The following WDR87 variants were observed in gnomAD, a reference collection of about 807,000 sequenced individuals.
The protein encoded by WDR87 is WD repeat domain 87.
Under a neutral mutation model 83.3 loss-of-function variants are expected in WDR87, and 56 were observed. The observed-to-expected ratio is 0.67, with a 90% CI of 0.54 to 0.84. WDR87 has a LOEUF of 0.84. Among genes scored for constraint, WDR87 ranks in the 40% least tolerant of loss-of-function variants. WDR87 has a pLI of 0.00. For missense variants in WDR87, 2,939 were observed against 3,431.9 expected (o/e 0.86, Z 3.59); for synonymous variants, 1,173 against 1,250.6 (o/e 0.94, Z 1.31).
At position 37,892,881 on chromosome 19, in the gene WDR87, ACACAG is replaced by A; in HGVS notation, c.2817_2821del (p.Cys940TrpfsTer19). 6.4e-7 allele frequency: 1 copy of A among 1,552,020 alleles called. No homozygotes were observed. The highest frequency in any genetic ancestry group is 8.7e-7 in the Non-Finnish European group (1 of 1,147,062). On this transcript the variant is annotated frameshift_variant, in exon 4 of 6. Transcript: ENST00000447313. LOFTEE classifies it high-confidence loss of function. The stretch of plus-strand genomic sequence containing the variant: ...GGCAAAGATTTGCCCTAGTGCACCA[ACACAG>A]CACTGGTACTTCAGCAAGGAAGCAT...
At position 37,887,863 on chromosome 19, in the gene WDR87, C is replaced by T. The variant is rs1568449258; in HGVS notation, c.5808G>A (p.Gln1936=). Reference sequence around the variant, plus strand: ...TCTTCTTGATCACAGTCTCCTTTTCCTGTGTCAGCTTCTCCTCTACCTGAG... The same window carrying T: ...TCTTCTTGATCACAGTCTCCTTTTCTTGTGTCAGCTTCTCCTCTACCTGAG... ...ILAQVEEKLT[Q]EKETVIKKKE... The change falls in exon 6 of 6, where the codon CAG becomes CAA. Residue 1936 remains glutamine (Q), a synonymous_variant. Transcript: ENST00000447313. The T allele has an allele frequency of 1.9e-6, 3 of 1,551,316 alleles. No homozygotes were observed. The highest frequency in any genetic ancestry group is 3.9e-5 in the Admixed American group (2 of 50,918).
At chr19:37,901,756 C>G (rs1450632443) in intron 1 of WDR87, among the ~76,000 whole-genome samples, 2 of 151,798 alleles carry the variant, frequency 1.3e-5, no homozygotes, top group African/African-American at 4.8e-5. Context: ...CTCTGTTGCC[C>G]GGGCTGGAGT....
At chr19:37,905,876 CT>C (rs1047247949) in intron 1 of WDR87, among the ~76,000 whole-genome samples, 1 of 152,116 alleles carries the variant, frequency 6.6e-6, no homozygotes, top group African/African-American at 2.4e-5. Flanking sequence ...TGGTGGTGGC[CT>C]GATATCCCTA....
In WDR87 at chr19:37,894,361, G is replaced by C. The variant is rs1280389826; in HGVS notation, c.1342C>G (p.Leu448Val). ...TGAGAATTTGGTGAGGTGCCTAAGAGATACTTGGCTGGGCAAGGGCAGCGG... is the reference window on the plus strand; with the variant it reads ...TGAGAATTTGGTGAGGTGCCTAAGACATACTTGGCTGGGCAAGGGCAGCGG... Reference protein sequence around the residue: ...TTRCPCPAKYLLGTSPNSQDF... With the variant: ...TTRCPCPAKYVLGTSPNSQDF... Residue 448 changes from leucine to valine, a missense_variant, in exon 4 of 6, where the codon CTC (leucine) becomes GTC (valine). Physicochemically the swap from Leu to Val is conservative, Grantham distance 32. Coordinates refer to ENST00000447313, the MANE Select transcript of WDR87 (RefSeq NM_001291088.2). The C allele has an allele frequency of 6.4e-7, 1 of 1,551,784 alleles. No individual in the cohort carries two copies. Among genetic ancestry groups the C allele is most frequent in the South Asian group, 1.2e-5 (1 of 84,058 alleles).
intron 3 of WDR87, among the ~76,000 whole-genome samples, 166 bp from the exon 4 acceptor site, chr19:37,895,622 G>T (rs534384034): frequency 4.1e-4 from 62 of 152,064 alleles, no homozygotes; most frequent in African/African-American, 1.4e-3. Flanking sequence ...ACAAAAATTA[G>T]CTGGGTGTGG....
chr19:37,895,660 G>A (rs989582569), intron 3 of WDR87, among the ~76,000 whole-genome samples: 17 of 151,044 alleles, frequency 1.1e-4, no homozygotes, highest in Admixed American at 2.6e-4. Flanking sequence ...CCAGCTACTC[G>A]AGAGGCTGAG....
In WDR87 at chr19:37,891,621, C is replaced by T. The variant is rs908746993; in HGVS notation, c.3325G>A (p.Glu1109Lys). The change falls in exon 5 of 6, where the codon GAA (glutamate) becomes AAA (lysine). Residue 1109 changes from glutamate (E) to lysine (K), a missense_variant. By Grantham distance (56) the Glu-to-Lys change is moderately conservative. This residue lies in a region of WDR87 where 2,160 missense variants were observed against 2,533.1 expected (regional missense o/e 0.85). Transcript: ENST00000447313. ...KSSLKPPTVS[E>K]ESEVAIKPSK... ...GGCTTGATGGCCACTTCAGATTCTTCAGAAACTGTAGGAGGTTTCAGGGAG... is the reference window on the plus strand; with the variant it reads ...GGCTTGATGGCCACTTCAGATTCTTTAGAAACTGTAGGAGGTTTCAGGGAG... 1 of 1,551,966 alleles carries T rather than the reference C, an allele frequency of 6.4e-7. No homozygotes were observed. Among genetic ancestry groups the T allele is most frequent in the South Asian group, 1.2e-5 (1 of 84,058 alleles).
At chr19:37,902,584 G>A (rs1487411349) in intron 1 of WDR87, among the ~76,000 whole-genome samples, 1 of 152,210 alleles carries the variant, frequency 6.6e-6, no homozygotes, top group Non-Finnish European at 1.5e-5. Flanking sequence ...CCAATTTAGC[G>A]TGAAGGGTAT....
At chr19:37,903,920 T>A (rs759436573) in intron 1 of WDR87, among the ~76,000 whole-genome samples, 2 of 151,814 alleles carry the variant, frequency 1.3e-5, no homozygotes, top group Non-Finnish European at 2.9e-5. Flanking sequence ...TTGTTTTGTT[T>A]TGTTTTGAGT....
At position 37,893,378 on chromosome 19, in the gene WDR87, C is replaced by G; in HGVS notation, c.2325G>C (p.Trp775Cys). ...MHYSLQDMED[W>C]MQVSKRYQCH... ...ATTGGTAACGTTTGCTCACCTGCAT[C>G]CAATCTTCCATGTCCTGCAAAGAAT... Residue 775 changes from tryptophan to cysteine, a missense_variant, in exon 4 of 6, where the codon TGG becomes TGC. Physicochemically the swap from Trp to Cys is radical, Grantham distance 215. Transcript: ENST00000447313. 1 of 1,552,118 alleles carries G rather than the reference C, an allele frequency of 6.4e-7. No individual in the cohort carries two copies. The highest frequency in any genetic ancestry group is 8.7e-7 in the Non-Finnish European group (1 of 1,147,096).
chr19:37,898,766 C>T (rs1311053305), intron 1 of WDR87, among the ~76,000 whole-genome samples: 6 of 152,178 alleles, frequency 3.9e-5, no homozygotes, highest in Non-Finnish European at 8.8e-5. Flanking sequence ...GCCTAGTTCT[C>T]AGACAGGTGA....
Position 37,895,209 on chromosome 19 carries a change from AG to A in WDR87, c.493del (p.Leu165CysfsTer9). 1 of 1,551,736 alleles carries A rather than the reference AG, an allele frequency of 6.4e-7. No homozygotes were observed. The highest frequency in any genetic ancestry group is 8.7e-7 in the Non-Finnish European group (1 of 1,147,002). ...LCYDPEMKML[L>X]SGILGAVVTW... ...CACCACTGCCCCCAGGATGCCAGAC[AG>A]AAGCATCTTCATTTCCGGGTCATAG... On this transcript the variant is annotated frameshift_variant, in exon 4 of 6. Coordinates refer to ENST00000447313, the MANE Select transcript of WDR87 (RefSeq NM_001291088.2). LOFTEE classifies it high-confidence loss of function.
At chr19:37,906,123 C>T (rs186981528) in intron 1 of WDR87, among the ~76,000 whole-genome samples, 79 of 152,262 alleles carry the variant, frequency 5.2e-4, no homozygotes, top group African/African-American at 1.8e-3. Flanking sequence ...CACCAGAGGA[C>T]CTTGCAATTC....
Position 37,888,607 on chromosome 19 carries a change from C to T in WDR87, c.5064G>A (p.Glu1688=), listed in dbSNP as rs1017831057. The T allele has an allele frequency of 6.4e-6, 10 of 1,551,880 alleles. No individual in the cohort carries two copies. Among genetic ancestry groups the T allele is most frequent in the East Asian group, 2.4e-5 (1 of 40,932 alleles). ...QKEETLAQRG[E]KLSQEAEKLA... is the part of the protein sequence containing the mutation. Reference sequence around the variant, plus strand: ...ATTTCTCCGCCTCCTGGCTTAGCTTCTCCCCTCTTTGGGCCAGTGTTTCCT... The same window carrying T: ...ATTTCTCCGCCTCCTGGCTTAGCTTTTCCCCTCTTTGGGCCAGTGTTTCCT... The change falls in exon 6 of 6, where the codon GAG becomes GAA. Residue 1688 remains glutamate (E), a synonymous_variant. Coordinates refer to ENST00000447313, the MANE Select transcript of WDR87 (RefSeq NM_001291088.2).
rs1168633760 is a variant in WDR87, at chr19:37,894,549, T to A, written c.1154A>T (p.Glu385Val). ...NNWFRILCTT[E>V]DGLLRFVSPV... Reference sequence around the variant, plus strand: ...GGACACAAAGCGCAACAAGCCATCCTCAGTGGTACACAGGATCCGGAACCA... The same window carrying A: ...GGACACAAAGCGCAACAAGCCATCCACAGTGGTACACAGGATCCGGAACCA... Residue 385 changes from glutamate (E) to valine (V), a missense_variant, in exon 4 of 6, where the codon GAG (glutamate) becomes GTG (valine). This residue lies in a region of WDR87 where 553 missense variants were observed against 577.9 expected (regional missense o/e 0.96). Coordinates refer to ENST00000447313, the MANE Select transcript of WDR87 (RefSeq NM_001291088.2). 1 of 1,551,670 alleles carries A rather than the reference T, an allele frequency of 6.4e-7. No homozygotes were observed. Among genetic ancestry groups the A allele is most frequent in the Non-Finnish European group, 8.7e-7 (1 of 1,146,988 alleles).
rs1007747166 is a variant in WDR87 at position 37,884,842 on chromosome 19, AGAG to A, written c.*87_*89del. 27 of 1,044,782 alleles carry A rather than the reference AGAG, an allele frequency of 2.6e-5. No homozygotes were observed. The highest frequency in any genetic ancestry group is 5.1e-5 in the African/African-American group (3 of 58,578). 64.7% of individuals were successfully genotyped at this position (1,044,782 alleles called of 1,614,324 possible). Reference sequence around the variant, plus strand: ...AAACACCGTCTCAAAAAAAAAAAAAAGAGAGAGAGAGAGATGAAGGTCTAGATC... The same window carrying A: ...AAACACCGTCTCAAAAAAAAAAAAAAAGAGAGAGAGATGAAGGTCTAGATC... On this transcript the variant is annotated 3_prime_UTR_variant, in exon 6 of 6. Transcript: ENST00000447313.
intron 1 of WDR87, among the ~76,000 whole-genome samples, chr19:37,902,653 G>C (rs2046300408): frequency 6.6e-6 from 1 of 152,242 alleles, no homozygotes; most frequent in Non-Finnish European, 1.5e-5. Flanking sequence ...CCATGACTGG[G>C]TGTTGACACT....
In WDR87 at chr19:37,891,722, T is replaced by C; in HGVS notation, c.3224A>G (p.Glu1075Gly). ...LSTQVEQRLN[E>G]NLTLSHRDEK... Reference sequence around the variant, plus strand: ...ATCTCTATGTGACAGGGTCAGGTTTTCATTCAATCTCTGCTCCACTTGAGT... The same window carrying C: ...ATCTCTATGTGACAGGGTCAGGTTTCCATTCAATCTCTGCTCCACTTGAGT... The change falls in exon 5 of 6, where the codon GAA becomes GGA. Residue 1075 changes from glutamate to glycine, a missense_variant. Glu to Gly is a moderately conservative substitution (Grantham distance 98). Transcript: ENST00000447313. 2 of 1,552,076 alleles carry C rather than the reference T, an allele frequency of 1.3e-6. No homozygotes were observed. The highest frequency in any genetic ancestry group is 4.9e-5 in the East Asian group (2 of 40,926).
At chr19:37,899,857 T>TTTGGCTTCCCAAAGAC (rs1408487124) in intron 1 of WDR87, among the ~76,000 whole-genome samples, 1 of 152,206 alleles carries the variant, frequency 6.6e-6, no homozygotes, top group Non-Finnish European at 1.5e-5. Context: ...GGCCTCAAGC[T>TTTGGCTTCCCAAAGAC]TTGGCTTCCC....
Sources: allele counts gnomAD v4.1 joint callset (sites outside exome capture counted in the v4.1 genomes callset), GRCh38; gene constraint gnomAD v4.1.1; regional missense constraint gnomAD v4.1.1; transcripts MANE v1.5; gene names NCBI Gene and HGNC (gene_info 2026-07-23, HGNC 2026-07-21).